MMP26: variants seen among roughly 807,000 people sequenced by gnomAD.
MMP26 encodes matrix metallopeptidase 26.
In MMP26, 33 loss-of-function variants were observed where a neutral mutation model predicts 31.0. The observed-to-expected ratio is 1.06, with a 90% CI of 0.81 to 1.42. The LOEUF (loss-of-function observed/expected upper bound fraction) is 1.42. Among genes scored for constraint, MMP26 ranks in the 40% most tolerant of loss-of-function variants. MMP26 has a pLI of 0.00. For missense variants in MMP26, 347 were observed against 316.1 expected, an observed-to-expected ratio of 1.10 and a Z score of -0.74; for synonymous variants, 122 against 114.9, an observed-to-expected ratio of 1.06 and a Z score of -0.40.
intron 2 of MMP26, among the ~76,000 whole-genome samples, chr11:4,878,439 A>G (rs951801939): frequency 1.3e-5 from 2 of 152,126 alleles, no homozygotes; most frequent in Non-Finnish European, 2.9e-5. Context: ...TTAAAAATAA[A>G]TAGCATGTGC....
chr11:4,887,566 T>C (rs1850561012), intron 2 of MMP26, among the ~76,000 whole-genome samples: 1 of 152,168 alleles, frequency 6.6e-6, no homozygotes, highest in South Asian at 2.1e-4. Flanking sequence ...CTTCTTTGAC[T>C]TGAAATTTAT....
chr11:4,888,874 A>G (rs1443439388), intron 2 of MMP26, among the ~76,000 whole-genome samples: 1 of 152,170 alleles, frequency 6.6e-6, no homozygotes, highest in Non-Finnish European at 1.5e-5. Flanking sequence ...AACAAGTACC[A>G]TGTGTCTGAA....
At chr11:4,759,135 A>AAAAG (rs1262302875) in intron 1 of MMP26, among the ~76,000 whole-genome samples, 21 of 143,742 alleles carry the variant, frequency 1.5e-4, no homozygotes, top group African/African-American at 5.3e-4. Context: ...AAAAAAAAAA[A>AAAAG]GACAAAAAAT....
intron 1 of MMP26, among the ~76,000 whole-genome samples, chr11:4,751,860 T>C (rs942453288): frequency 1.3e-5 from 2 of 152,124 alleles, no homozygotes; most frequent in African/African-American, 4.8e-5. Flanking sequence ...TGAATTAGTA[T>C]TTTGATGGTA....
At chr11:4,922,321 A>G (rs1851197537) in intron 2 of MMP26, among the ~76,000 whole-genome samples, 1 of 152,184 alleles carries the variant, frequency 6.6e-6, no homozygotes, top group Non-Finnish European at 1.5e-5. Context: ...AAGAGAAGAA[A>G]TTGCTGTTTA....
At chr11:4,804,995 A>G (rs1849247792) in intron 2 of MMP26, among the ~76,000 whole-genome samples, 1 of 151,360 alleles carries the variant, frequency 6.6e-6, no homozygotes, top group Admixed American at 6.6e-5. Context: ...ATGAATCAAT[A>G]TTTTTCTTGA....
At chr11:4,895,267 G>A (rs1850683470) in intron 2 of MMP26, among the ~76,000 whole-genome samples, 1 of 152,004 alleles carries the variant, frequency 6.6e-6, no homozygotes, top group African/African-American at 2.4e-5. Flanking sequence ...TCAACAACCC[G>A]ATTATGCCAA....
rs1846985946 is a variant in MMP26 at position 4,990,701 on chromosome 11, G to A, written c.424G>A (p.Val142Met). Residue 142 changes from valine (V) to methionine (M), a missense_variant, in exon 5 of 8, where the codon GTG becomes ATG. Physicochemically the swap from Val to Met is conservative, Grantham distance 21. Coordinates refer to ENST00000380390, the MANE Select transcript of MMP26 (RefSeq NM_021801.5). ...SNVTPLIFQQ[V>M]QNGDADIKVS... ...TGTGACCCCTTTGATATTCCAGCAA[G>A]TGCAGAATGGAGATGCAGACATCAA... is the stretch of plus-strand genomic sequence containing the variant. The A allele has an allele frequency of 6.2e-7, 1 of 1,614,122 alleles. No homozygotes were observed. The highest frequency in any genetic ancestry group is 8.5e-7 in the Non-Finnish European group (1 of 1,179,982).
intron 2 of MMP26, among the ~76,000 whole-genome samples, chr11:4,961,954 A>G (rs1192157492): frequency 6.6e-6 from 1 of 152,190 alleles, no homozygotes; most frequent in East Asian, 1.9e-4. Flanking sequence ...TACATAGAAC[A>G]GAATTGGCAT....
At chr11:4,762,571 G>A (rs1848581038) in intron 1 of MMP26, among the ~76,000 whole-genome samples, 1 of 152,096 alleles carries the variant, frequency 6.6e-6, no homozygotes, top group African/African-American at 2.4e-5. Context: ...GTGAGAACGT[G>A]CTATTTAGAA....
intron 2 of MMP26, among the ~76,000 whole-genome samples, chr11:4,898,414 TG>T (rs1850745600): frequency 6.6e-6 from 1 of 152,084 alleles, no homozygotes; most frequent in Non-Finnish European, 1.5e-5. Context: ...TTATCCTGTT[TG>T]GGGTTGTTTG....
At position 4,955,823 on chromosome 11, in the gene MMP26, G is replaced by T. The variant is rs564508995; in HGVS notation, c.-144-32245G>T. The T allele has an allele frequency of 5.2e-5, 43 of 822,660 alleles. No homozygotes were observed. In the Middle Eastern group the frequency reaches 6.1e-3, roughly 117 times the overall value. 51.0% of individuals were successfully genotyped at this position (822,660 alleles called of 1,614,324 possible). On this transcript the variant is annotated intron_variant, in intron 2 of 7. Transcript: ENST00000380390. The stretch of plus-strand genomic sequence containing the variant: ...TATCTGTAAATTTAGTAGAAAAAAA[G>T]CAGTGTTAAAATTTGTGGCTTCTTT...
At chr11:4,990,784 C>A in intron 5 of MMP26, 38 bp downstream of exon 5, 1 of 1,606,488 alleles carries the variant, frequency 6.2e-7, no homozygotes, top group Non-Finnish European at 8.5e-7. Context: ...ATGTATATGC[C>A]CTGTGTAAAG....
rs190401346 is a variant in MMP26 at position 4,914,546 on chromosome 11, C to A, written c.-144-73522C>A. On this transcript the variant is annotated intron_variant, in intron 2 of 7. Coordinates refer to ENST00000380390, the MANE Select transcript of MMP26 (RefSeq NM_021801.5). ...TTTACCACATCATATTACATTTTAC[C>A]CCCCCCTGCCCTGGCCACAACAGAG... 3.1e-4 allele frequency: 146 copies of A among 478,598 alleles called. 1 individual carries two copies. The highest frequency in any genetic ancestry group is 2.1e-3 in the African/African-American group (86 of 41,208). 29.6% of individuals were successfully genotyped at this position (478,598 alleles called of 1,614,324 possible). A position where few individuals can be genotyped will look rare whatever the true frequency, so the allele number is the denominator to read the frequency against.
At chr11:4,818,726 T>G (rs1413622746) in intron 2 of MMP26, among the ~76,000 whole-genome samples, 1 of 152,222 alleles carries the variant, frequency 6.6e-6, no homozygotes, top group Non-Finnish European at 1.5e-5. Flanking sequence ...GTATTGTCAT[T>G]GTTATTCAGC....
chr11:4,845,538 A>G (rs552302959), intron 2 of MMP26, among the ~76,000 whole-genome samples: 48 of 152,284 alleles, frequency 3.2e-4, no homozygotes, highest in African/African-American at 1.1e-3. Flanking sequence ...ATCTGGGTAA[A>G]AATTTCTTGA....
At chr11:4,988,680 G>C (rs1040546379) in intron 3 of MMP26, among the ~76,000 whole-genome samples, 2 of 151,976 alleles carry the variant, frequency 1.3e-5, no homozygotes, top group African/African-American at 4.8e-5. Context: ...AAATTAATGG[G>C]ACCTTCACAT....
chr11:4,881,159 A>G (rs770836824), intron 2 of MMP26, among the ~76,000 whole-genome samples: 1 of 152,138 alleles, frequency 6.6e-6, no homozygotes, highest in Non-Finnish European at 1.5e-5. Context: ...TCCAGAGTGT[A>G]TGACCTCACA....
chr11:4,821,621 T>G, intron 2 of MMP26: 1 of 1,614,048 alleles, frequency 6.2e-7, no homozygotes, highest in Non-Finnish European at 8.5e-7. Context: ...TTCCTCTCTA[T>G]GCTTTCAGCC....
Sources: gnomAD v4.1 joint callset for allele counts (sites outside exome capture counted in the v4.1 genomes callset) on GRCh38, gnomAD v4.1.1 for gene constraint, MANE v1.5 for transcripts, NCBI Gene and HGNC (gene_info 2026-07-23, HGNC 2026-07-21) for gene names.